Variants in SGCZ observed in about 807,000 individuals in gnomAD.
The protein encoded by SGCZ is zeta-sarcoglycan.
Under a neutral mutation model 41.3 loss-of-function variants are expected in SGCZ, and 40 were observed. The ratio of observed to expected loss-of-function variants is 0.97; its 90% CI spans 0.75 to 1.26. SGCZ has a LOEUF of 1.26. Among genes scored for constraint, SGCZ ranks in the 50% most tolerant of loss-of-function variants. The probability of loss-of-function intolerance (pLI) is 0.00; values close to 1 mark genes in which losing one functional copy is unlikely to be tolerated. For synonymous variants in SGCZ, 206 were observed against 137.5 expected, an observed-to-expected ratio of 1.50 and a Z score of -3.49; for missense variants, 552 against 369.8, an observed-to-expected ratio of 1.49 and a Z score of -4.04.
At chr8:14,970,727 A>G (rs1801264806) in intron 1 of SGCZ, among the ~76,000 whole-genome samples, 1 of 152,134 alleles carries the variant, frequency 6.6e-6, no homozygotes, top group South Asian at 2.1e-4. Flanking sequence ...TTGATATCAG[A>G]GAGTCTTAGT....
chr8:14,168,691 G>C (rs550217202), intron 4 of SGCZ, among the ~76,000 whole-genome samples: 1 of 152,270 alleles, frequency 6.6e-6, no homozygotes, highest in South Asian at 2.1e-4. Context: ...TTTACTAGCA[G>C]TGTGAAAACG....
At chr8:14,903,129 C>G (rs1297637046) in intron 1 of SGCZ, among the ~76,000 whole-genome samples, 2 of 152,092 alleles carry the variant, frequency 1.3e-5, no homozygotes, top group Admixed American at 1.3e-4. Flanking sequence ...TTAATTAAGT[C>G]CTTCTCTAAA....
At chr8:14,554,710 G>A (rs778607231) in intron 2 of SGCZ, 22 bp downstream of exon 2, 6 of 1,588,040 alleles carry the variant, frequency 3.8e-6, no homozygotes, top group South Asian at 3.4e-5. Flanking sequence ...GCAATAAGAT[G>A]TAAAATCATA....
At chr8:14,257,787 G>C (rs977419086) in intron 3 of SGCZ, among the ~76,000 whole-genome samples, 3 of 151,902 alleles carry the variant, frequency 2.0e-5, no homozygotes, top group African/African-American at 7.3e-5. Flanking sequence ...ATTTTATATT[G>C]TTTTCCTCCA....
At chr8:14,533,747 C>A (rs949696855) in intron 2 of SGCZ, among the ~76,000 whole-genome samples, 13 of 151,854 alleles carry the variant, frequency 8.6e-5, no homozygotes, top group Non-Finnish European at 4.4e-5. Flanking sequence ...AGTTTAAACA[C>A]CATTAACCAA....
At chr8:15,117,466 T>C (rs111504499) in intron 1 of SGCZ, among the ~76,000 whole-genome samples, 1 of 152,168 alleles carries the variant, frequency 6.6e-6, no homozygotes, top group Non-Finnish European at 1.5e-5. Flanking sequence ...TACAAATCCA[T>C]TGTGGCATGA....
chr8:15,188,152 C>G (rs951123994), intron 1 of SGCZ, among the ~76,000 whole-genome samples: 1 of 152,040 alleles, frequency 6.6e-6, no homozygotes, highest in African/African-American at 2.4e-5. Flanking sequence ...CAGCATACCA[C>G]TCCAAACATC....
chr8:14,328,038 G>C (rs74677627), intron 2 of SGCZ, among the ~76,000 whole-genome samples: 1 of 152,136 alleles, frequency 6.6e-6, no homozygotes, highest in East Asian at 1.9e-4. Flanking sequence ...GCACTTCACT[G>C]TGTCTATTTC....
intron 2 of SGCZ, among the ~76,000 whole-genome samples, chr8:14,368,524 T>G (rs562950172): frequency 6.6e-6 from 1 of 152,176 alleles, no homozygotes; most frequent in Non-Finnish European, 1.5e-5. Flanking sequence ...CTTGACCATA[T>G]GAGACATTTT....
At chr8:14,990,276 C>A (rs1390611529) in intron 1 of SGCZ, among the ~76,000 whole-genome samples, 1 of 152,128 alleles carries the variant, frequency 6.6e-6, no homozygotes, top group South Asian at 2.1e-4. Flanking sequence ...AAGAAAATAC[C>A]CTGCATATAC....
chr8:14,581,189 A>C (rs1404068649), intron 1 of SGCZ, among the ~76,000 whole-genome samples: 3 of 151,934 alleles, frequency 2.0e-5, no homozygotes, highest in Non-Finnish European at 4.4e-5. Flanking sequence ...CTCACTTGCA[A>C]CCTCTGTCTC....
intron 1 of SGCZ, among the ~76,000 whole-genome samples, chr8:15,052,682 A>G (rs1376501176): frequency 2.6e-5 from 4 of 152,214 alleles, no homozygotes; most frequent in Admixed American, 2.6e-4. Flanking sequence ...AAAAAAATTA[A>G]GACTTTATGG....
chr8:15,185,321 T>A (rs1251058053), intron 1 of SGCZ, among the ~76,000 whole-genome samples: 1 of 152,218 alleles, frequency 6.6e-6, no homozygotes, highest in Admixed American at 6.5e-5. Flanking sequence ...ACTAGAAATG[T>A]ATGAGAATTA....
chr8:14,808,169 G>C (rs1311905967), intron 1 of SGCZ, among the ~76,000 whole-genome samples: 1 of 152,164 alleles, frequency 6.6e-6, no homozygotes, highest in Non-Finnish European at 1.5e-5. Flanking sequence ...ACATAGGCAT[G>C]GGCAAGGACT....
chr8:14,102,909 G>A (rs1305535304), intron 6 of SGCZ, among the ~76,000 whole-genome samples: 1 of 152,120 alleles, frequency 6.6e-6, no homozygotes, highest in East Asian at 1.9e-4. Flanking sequence ...TTACAGTTTA[G>A]GATGTAGATA....
rs1801649204 is a variant in SGCZ at position 14,090,379 on chromosome 8, C to G, written c.*64G>C. On this transcript the variant is annotated 3_prime_UTR_variant, in exon 8 of 8. Coordinates refer to ENST00000382080, the MANE Select transcript of SGCZ (RefSeq NM_139167.4). ...TGGACTGATCACAAGGGAAACCGAG[C>G]AGAACTGTGAAGCAGACGGACAGGA... 2 of 1,536,652 alleles carry G rather than the reference C, an allele frequency of 1.3e-6. No individual in the cohort carries two copies. Among genetic ancestry groups the G allele is most frequent in the Non-Finnish European group, 8.8e-7 (1 of 1,136,336 alleles).
chr8:14,976,138 C>G (rs1801471418), intron 1 of SGCZ, among the ~76,000 whole-genome samples: 1 of 151,544 alleles, frequency 6.6e-6, no homozygotes. Context: ...TTCTCTCGCC[C>G]CAGCCTCAGA....
chr8:14,978,774 T>C (rs1801570793), intron 1 of SGCZ, among the ~76,000 whole-genome samples: 1 of 149,572 alleles, frequency 6.7e-6, no homozygotes. Context: ...GATGACGGAT[T>C]TCCTGCCATC....
chr8:15,238,205 T>C lies in SGCZ; in HGVS notation c.-582A>G, dbSNP rs1466758564. 6 of 152,354 alleles carry C rather than the reference T, an allele frequency of 3.9e-5. No homozygotes were observed. The highest frequency in any genetic ancestry group is 1.4e-4 in the African/African-American group (6 of 41,454). The allele number at this position is 152,354 out of a possible 1,614,324, so 9.4% of individuals were successfully genotyped here. A position where few individuals can be genotyped will look rare whatever the true frequency, so the allele number is the denominator to read the frequency against. On this transcript the variant is annotated 5_prime_UTR_variant, in exon 1 of 8. Coordinates refer to ENST00000382080, the MANE Select transcript of SGCZ (RefSeq NM_139167.4). ...ATAGACTTAAAAAATGTCTTGTAGC[T>C]GAGAGGTATTTTCTCAGTGGGGAAA...
Sources: gnomAD v4.1 joint callset for allele counts (sites outside exome capture counted in the v4.1 genomes callset) on GRCh38, gnomAD v4.1.1 for gene constraint, MANE v1.5 for transcripts, NCBI Gene and HGNC (gene_info 2026-07-23, HGNC 2026-07-21) for gene names.